Variants in CEP85L observed in about 807,000 individuals in gnomAD.
The protein encoded by CEP85L is centrosomal protein 85L, also known as centrosomal protein of 85 kDa-like.
Under a neutral mutation model 100.3 loss-of-function variants are expected in CEP85L, and 60 were observed. That is an observed-to-expected ratio of 0.60 (90% CI 0.49 to 0.74). The LOEUF is 0.74. Ranked by LOEUF, CEP85L falls within the 30% of genes least tolerant of loss-of-function variation. The pLI is 0.00. For missense variants in CEP85L, 973 were observed against 936.2 expected, an observed-to-expected ratio of 1.04 and a Z score of -0.51; for synonymous variants, 319 against 322.7, an observed-to-expected ratio of 0.99 and a Z score of 0.12.
At chr6:118,696,959 ACTAACAT>A (rs1777235301) in intron 1 of CEP85L, among the ~76,000 whole-genome samples, 1 of 152,142 alleles carries the variant, frequency 6.6e-6, no homozygotes, top group Non-Finnish European at 1.5e-5. Flanking sequence ...ACATCTTCAC[ACTAACAT>A]CTAAAGGCAG....
At chr6:118,637,703 C>CAAA (rs11388747) in intron 1 of CEP85L, among the ~76,000 whole-genome samples, 1,772 of 44,928 alleles carry the variant, frequency 0.039, 226 homozygotes, top group African/African-American at 0.1. Context: ...AAGACTGTCT[C>CAAA]AAAAAAAAAA....
chr6:118,537,963 T>C (rs1223408889), intron 3 of CEP85L: 1 of 884,958 alleles, frequency 1.1e-6, no homozygotes, highest in Non-Finnish European at 1.4e-6. Flanking sequence ...AGTAAATAAA[T>C]TCACAAAGCT....
chr6:118,698,467 T>A (rs1306473286), intron 1 of CEP85L, among the ~76,000 whole-genome samples: 2 of 151,942 alleles, frequency 1.3e-5, no homozygotes, highest in Non-Finnish European at 2.9e-5. Context: ...AACTCTGAGT[T>A]GAAAATATAG....
chr6:118,622,970 CA>C (rs1302423659), intron 2 of CEP85L, among the ~76,000 whole-genome samples: 1 of 152,204 alleles, frequency 6.6e-6, no homozygotes, highest in African/African-American at 2.4e-5. Flanking sequence ...CCAAGCGAAA[CA>C]GAATGGGGAC....
At chr6:118,561,558 T>C (rs895644182) in intron 3 of CEP85L, among the ~76,000 whole-genome samples, 1 of 152,110 alleles carries the variant, frequency 6.6e-6, no homozygotes, top group African/African-American at 2.4e-5. Context: ...TGCTCAAATA[T>C]GTTCTACTAT....
intron 1 of CEP85L, among the ~76,000 whole-genome samples, chr6:118,685,012 A>C (rs1446862380): frequency 1.3e-5 from 2 of 152,148 alleles, no homozygotes; most frequent in Non-Finnish European, 2.9e-5. Context: ...TATAACCAAG[A>C]AATGAACCCT....
intron 1 of CEP85L, among the ~76,000 whole-genome samples, chr6:118,664,819 C>T (rs1776081359): frequency 6.6e-6 from 1 of 152,028 alleles, no homozygotes; most frequent in East Asian, 1.9e-4. Context: ...TCTTGTGCTC[C>T]AGCTATCTCG....
intron 2 of CEP85L, among the ~76,000 whole-genome samples, chr6:118,622,326 C>T (rs1358295060): frequency 6.6e-6 from 1 of 152,224 alleles, no homozygotes; most frequent in Admixed American, 6.5e-5. Flanking sequence ...CAAATATGCA[C>T]ATGTGCAGCC....
chr6:118,585,174 C>T (rs1211515007), intron 2 of CEP85L, among the ~76,000 whole-genome samples: 1 of 152,196 alleles, frequency 6.6e-6, no homozygotes, highest in Admixed American at 6.5e-5. Context: ...CTGAGCTAAT[C>T]GCTCTTACAG....
At chr6:118,652,922 A>T, upstream of CEP85L, 1 of 541,234 alleles carries the variant, frequency 1.8e-6, no homozygotes, top group Non-Finnish European at 3.2e-6. Flanking sequence ...GATTTTTTTA[A>T]GTCCCAAAAA....
Position 118,610,740 on chromosome 6 carries a change from G to GA in CEP85L, c.232+21712dup, listed in dbSNP as rs201521162. 3.9e-3 allele frequency among the ~76,000 whole-genome samples: 588 copies of GA among 150,274 alleles called. 5 individuals are homozygous for GA. The highest frequency in any genetic ancestry group is 0.037 in the Middle Eastern group (11 of 294). Reference sequence around the variant, plus strand: ...GATAATTGAATTTCTGAAAACTGAAGAAAAAAAATATTGAAATCAGCCAGA... The same window carrying GA: ...GATAATTGAATTTCTGAAAACTGAAGAAAAAAAAATATTGAAATCAGCCAGA... On this transcript the variant is annotated intron_variant, in intron 2 of 12. Coordinates refer to ENST00000368491, the MANE Select transcript of CEP85L (RefSeq NM_001042475.3).
chr6:118,676,448 C>G (rs1373318078), intron 1 of CEP85L, among the ~76,000 whole-genome samples: 1 of 152,172 alleles, frequency 6.6e-6, no homozygotes, highest in Admixed American at 6.5e-5. Context: ...ATTTGTCTTT[C>G]TGTGCCTGGC....
chr6:118,654,075 C>G (rs1462055120), upstream of CEP85L, among the ~76,000 whole-genome samples: 3 of 152,158 alleles, frequency 2.0e-5, no homozygotes, highest in African/African-American at 7.2e-5. Context: ...CAAACATCAT[C>G]TACAGAACTG....
At chr6:118,651,749 T>A, upstream of CEP85L, 1 of 986,460 alleles carries the variant, frequency 1.0e-6, no homozygotes, top group Non-Finnish European at 1.2e-6. Context: ...CCGCTTCGCC[T>A]CCTTGGCGGC....
intron 2 of CEP85L, chr6:118,589,326 T>C (rs1008177470): frequency 3.3e-5 from 8 of 242,360 alleles, no homozygotes; most frequent in Non-Finnish European, 6.4e-5. Context: ...GATTCTGATA[T>C]AGACTAAAAC....
intron 1 of CEP85L, 64 bp downstream of exon 1, chr6:118,651,133 G>A (rs1775525886): frequency 2.1e-6 from 3 of 1,444,596 alleles, no homozygotes; most frequent in Non-Finnish European, 2.7e-6. Context: ...GCGGCGGCGA[G>A]GTCCCGAGGC....
intron 1 of CEP85L, among the ~76,000 whole-genome samples, chr6:118,642,922 T>C (rs763695576): frequency 7.9e-5 from 12 of 152,174 alleles, no homozygotes; most frequent in Non-Finnish European, 1.5e-4. Context: ...AAAAAGCATT[T>C]TGGCAACTAT....
At chr6:118,614,537 A>G (rs1224251574) in intron 2 of CEP85L, among the ~76,000 whole-genome samples, 1 of 152,232 alleles carries the variant, frequency 6.6e-6, no homozygotes, top group Non-Finnish European at 1.5e-5. Context: ...AACAAATACA[A>G]GATAAATATA....
upstream of CEP85L, among the ~76,000 whole-genome samples, chr6:118,655,425 T>TTC (rs1775755700): frequency 1.3e-5 from 2 of 152,222 alleles, no homozygotes; most frequent in Non-Finnish European, 2.9e-5. Context: ...CTGACATCTT[T>TTC]GTCAATGGAA....
Sources: gnomAD v4.1 joint callset for allele counts (sites outside exome capture counted in the v4.1 genomes callset) on GRCh38, gnomAD v4.1.1 for gene constraint, MANE v1.5 for transcripts, NCBI Gene and HGNC (gene_info 2026-07-23, HGNC 2026-07-21) for gene names.